Variants in ADAMTSL1 observed in about 807,000 individuals in gnomAD.
The protein encoded by ADAMTSL1 is ADAMTS-like protein 1.
A neutral mutation model predicts 201.8 loss-of-function variants in ADAMTSL1; 126 were observed. That is an observed-to-expected ratio of 0.62 (90% CI 0.54 to 0.72). The LOEUF is 0.72. ADAMTSL1 is among the 30% of genes least tolerant of loss of function. ADAMTSL1 has a pLI of 0.00. For missense variants in ADAMTSL1, 2,679 were observed against 2,277.8 expected (o/e 1.18, Z -3.59); for synonymous variants, 1,121 against 903.4 (o/e 1.24, Z -4.32).
intron 4 of ADAMTSL1, among the ~76,000 whole-genome samples, chr9:18,607,610 G>A (rs1051834487): frequency 2.0e-5 from 3 of 151,716 alleles, no homozygotes; most frequent in African/African-American, 7.3e-5. Flanking sequence ...AAGTTTTAGG[G>A]TACATGTGCA....
chr9:18,865,487 G>A (rs1368677429), intron 23 of ADAMTSL1, among the ~76,000 whole-genome samples: 2 of 152,156 alleles, frequency 1.3e-5, no homozygotes, highest in Admixed American at 6.5e-5. Context: ...TGTGAATAGT[G>A]CCTCAATAAA....
intron 14 of ADAMTSL1, among the ~76,000 whole-genome samples, chr9:18,714,568 T>C (rs535029457): frequency 1.4e-5 from 2 of 139,146 alleles, no homozygotes; most frequent in South Asian, 2.2e-4. Flanking sequence ...TCTCTGAAGA[T>C]AGACCAATAA....
chr9:18,622,362 A>T lies in ADAMTSL1; in HGVS notation c.594A>T (p.Ala198=). 6.2e-7 allele frequency: 1 copy of T among 1,614,024 alleles called. No individual in the cohort carries two copies. Among genetic ancestry groups the T allele is most frequent in the Non-Finnish European group, 8.5e-7 (1 of 1,179,934 alleles). The part of the protein sequence containing the change: ...VRGQYKSQLS[A]TKSDDTVVAI... The stretch of plus-strand genomic sequence containing the variant: ...GGCAGTATAAATCCCAGCTCTCCGC[A>T]ACCAAATGTAAGACACACAGAGATG... The change falls in exon 5 of 29, where the codon GCA becomes GCT. Residue 198 remains alanine (A), a synonymous_variant. Coordinates refer to ENST00000380548, the MANE Select transcript of ADAMTSL1 (RefSeq NM_001040272.6).
In ADAMTSL1 at chr9:18,817,151, C is replaced by A; in HGVS notation, c.3848C>A (p.Thr1283Lys). ...VKTSRMTVIN[T>K]EKPAVTVDIG... is the part of the protein sequence containing the mutation. ...ACGTCACGAATGACAGTGATCAACACGGAGAAGCCTGCAGTCACAGTCGAT... is the reference window on the plus strand; with the variant it reads ...ACGTCACGAATGACAGTGATCAACAAGGAGAAGCCTGCAGTCACAGTCGAT... Residue 1283 changes from threonine (T) to lysine (K), a missense_variant, in exon 21 of 29, where the codon ACG becomes AAG. Coordinates refer to ENST00000380548, the MANE Select transcript of ADAMTSL1 (RefSeq NM_001040272.6). The A allele has an allele frequency of 6.2e-7, 1 of 1,601,768 alleles. No individual in the cohort carries two copies. The highest frequency in any genetic ancestry group is 1.1e-5 in the South Asian group (1 of 88,358).
At chr9:18,294,308 G>A (rs1187165459) in intron 2 of ADAMTSL1, among the ~76,000 whole-genome samples, 5 of 152,208 alleles carry the variant, frequency 3.3e-5, no homozygotes, top group African/African-American at 1.2e-4. Context: ...ATTGGAAACA[G>A]AAATAAAAGG....
rs545522499 is a variant in ADAMTSL1, at chr9:18,532,741, T to C, written c.192-506T>C. Among the ~76,000 whole-genome samples the C allele has an allele frequency of 3.1e-4, 47 of 151,608 alleles. No homozygotes were observed. In the East Asian group the frequency reaches 8.7e-3, roughly 28 times the overall value. On this transcript the variant is annotated intron_variant, in intron 2 of 28. Coordinates refer to ENST00000380548, the MANE Select transcript of ADAMTSL1 (RefSeq NM_001040272.6). Reference sequence around the variant, plus strand: ...TTTTTCTTTTTGGTAATCTGTCTTTTCCAAAACCTCTGTAATGAGTATATA... The same window carrying C: ...TTTTTCTTTTTGGTAATCTGTCTTTCCCAAAACCTCTGTAATGAGTATATA...
intron 2 of ADAMTSL1, among the ~76,000 whole-genome samples, chr9:18,301,072 T>C (rs1404871984): frequency 3.3e-5 from 5 of 152,170 alleles, no homozygotes; most frequent in Non-Finnish European, 7.3e-5. Context: ...TATATAGCCA[T>C]AATAATGAAG....
chr9:18,721,400 A>T, intron 14 of ADAMTSL1, 136 bp from the exon 15 acceptor site: 1 of 1,257,620 alleles, frequency 8.0e-7, no homozygotes, highest in Non-Finnish European at 1.1e-6. Flanking sequence ...CCTGGGCTTT[A>T]AACTGCCATC....
chr9:18,254,024 T>C (rs996070449), intron 2 of ADAMTSL1, among the ~76,000 whole-genome samples: 1 of 152,152 alleles, frequency 6.6e-6, no homozygotes, highest in Non-Finnish European at 1.5e-5. Flanking sequence ...AGACCAGATA[T>C]CATCGTGTTT....
chr9:18,105,258 A>C (rs1344224318), intron 1 of ADAMTSL1, among the ~76,000 whole-genome samples: 1 of 152,140 alleles, frequency 6.6e-6, no homozygotes, highest in Non-Finnish European at 1.5e-5. Context: ...CACAAGTGTT[A>C]ATTATCCGTG....
chr9:18,346,015 C>A (rs1350678963), intron 2 of ADAMTSL1, among the ~76,000 whole-genome samples: 1 of 152,144 alleles, frequency 6.6e-6, no homozygotes, highest in Non-Finnish European at 1.5e-5. Flanking sequence ...CTCTCTGGTC[C>A]TGCTCTGTTC....
intron 2 of ADAMTSL1, among the ~76,000 whole-genome samples, chr9:18,226,898 T>C (rs1290050342): frequency 1.3e-5 from 2 of 152,134 alleles, no homozygotes; most frequent in Non-Finnish European, 1.5e-5. Flanking sequence ...GACACAGTTA[T>C]AAAATATAAT....
chr9:18,029,325 G>T (rs1228967020), intron 1 of ADAMTSL1, among the ~76,000 whole-genome samples: 1 of 152,112 alleles, frequency 6.6e-6, no homozygotes, highest in Non-Finnish European at 1.5e-5. Flanking sequence ...AAATGGTGCT[G>T]GGAAAACTGG....
rs140178953 is a variant in ADAMTSL1 at position 18,856,900 on chromosome 9, G to A, written c.4249+26923G>A. Among the ~76,000 whole-genome samples, 868 of 152,266 alleles carry A rather than the reference G, an allele frequency of 5.7e-3. 5 individuals are homozygous for A. The highest frequency in any genetic ancestry group is 7.8e-3 in the Non-Finnish European group (529 of 68,018). ...AGAGCAAAAGCTGGTTGGAGAAAGG[G>A]GGAAAATTGTTCAAATGTCATGCAA... is the stretch of plus-strand genomic sequence containing the variant. On this transcript the variant is annotated intron_variant, in intron 23 of 28. Coordinates refer to ENST00000380548, the MANE Select transcript of ADAMTSL1 (RefSeq NM_001040272.6).
At chr9:18,218,551 T>G (rs1830137237) in intron 2 of ADAMTSL1, among the ~76,000 whole-genome samples, 1 of 152,194 alleles carries the variant, frequency 6.6e-6, no homozygotes, top group African/African-American at 2.4e-5. Context: ...ACTTCATGCT[T>G]GTTGACCATT....
intron 2 of ADAMTSL1, among the ~76,000 whole-genome samples, chr9:18,314,990 G>T (rs1365609853): frequency 6.6e-6 from 1 of 150,566 alleles, no homozygotes; most frequent in Non-Finnish European, 1.5e-5. Flanking sequence ...TAGAGACGGG[G>T]TTTCACCGTG....
chr9:18,872,363 G>A (rs559774659), intron 23 of ADAMTSL1, among the ~76,000 whole-genome samples: 3 of 152,048 alleles, frequency 2.0e-5, no homozygotes, highest in Non-Finnish European at 4.4e-5. Flanking sequence ...AGGTTTGGGG[G>A]GAACAGGTAT....
intron 2 of ADAMTSL1, among the ~76,000 whole-genome samples, chr9:18,401,369 G>C (rs1401060357): frequency 3.3e-5 from 5 of 152,182 alleles, no homozygotes; most frequent in African/African-American, 1.2e-4. Flanking sequence ...ACGGAGCCCA[G>C]TTCTACGTTC....
At chr9:18,594,790 C>T (rs1418889525) in intron 4 of ADAMTSL1, among the ~76,000 whole-genome samples, 6 of 152,172 alleles carry the variant, frequency 3.9e-5, no homozygotes, top group African/African-American at 1.4e-4. Context: ...CACACCTCTC[C>T]ATCCCTTTAG....
Sources: gnomAD v4.1 joint callset for allele counts (sites outside exome capture counted in the v4.1 genomes callset) on GRCh38, gnomAD v4.1.1 for gene constraint, MANE v1.5 for transcripts, NCBI Gene and HGNC (gene_info 2026-07-23, HGNC 2026-07-21) for gene names.